Variants in TRPV1 observed in about 807,000 individuals in gnomAD.
TRPV1 encodes transient receptor potential cation channel subfamily V member 1.
Under a neutral mutation model 82.3 loss-of-function variants are expected in TRPV1, and 82 were observed. The ratio of observed to expected loss-of-function variants is 1.00; its 90% confidence interval spans 0.83 to 1.20. The LOEUF (loss-of-function observed/expected upper bound fraction) is 1.20. Ranked by LOEUF, TRPV1 falls within the 50% of genes most tolerant of loss-of-function variation. The pLI is 0.00. For missense variants in TRPV1, 1,067 were observed against 1,096.8 expected, an observed-to-expected ratio of 0.97 and a Z score of 0.38; for synonymous variants, 515 against 467.7, an observed-to-expected ratio of 1.10 and a Z score of -1.30.
At chr17:3,570,036 G>A (rs1250803396) in intron 16 of TRPV1, among the ~76,000 whole-genome samples, 2 of 128,684 alleles carry the variant, frequency 1.6e-5, no homozygotes, top group Admixed American at 1.5e-4. Flanking sequence ...AAGCGGTCAG[G>A]AAGGAGGGGT....
rs1252022928 is a variant in TRPV1, at chr17:3,573,616, C to T, written c.2103+17G>A. On this transcript the variant is annotated intron_variant, in intron 14 of 16. Transcript: ENST00000572705. ...ACTCTCCGCGCCACTCACCACCCCC[C>T]AACTCCACCCACCCACCTGCAGCTT... is the stretch of plus-strand genomic sequence containing the variant. 4 of 1,605,016 alleles carry T rather than the reference C, an allele frequency of 2.5e-6. No individual in the cohort carries two copies.
chr17:3,581,083 A>G (rs1012599751), intron 10 of TRPV1, among the ~76,000 whole-genome samples: 25 of 152,066 alleles, frequency 1.6e-4, no homozygotes, highest in Non-Finnish European at 2.2e-4. Context: ...AGGAAGGAAA[A>G]TCATTAAAAT....
At chr17:3,594,293 G>T (rs7217950) in intron 2 of TRPV1, among the ~76,000 whole-genome samples, 32,528 of 151,452 alleles carry the variant, frequency 0.21, 3,930 homozygotes, top group South Asian at 0.28. Context: ...AGCCGCAGAA[G>T]AAATGAGAGG....
chr17:3,573,529 A>ACCACCCCCCCCCCC, intron 14 of TRPV1, 104 bp downstream of exon 14: 1 of 20,994 alleles, frequency 4.8e-5, no homozygotes, highest in Non-Finnish European at 1.1e-4. Context: ...CTGGCCACAC[A>ACCACCCCCCCCCCC]CCGCCCCCAC....
At position 3,573,732 on chromosome 17, in the gene TRPV1, TA is replaced by T; in HGVS notation, c.2003del (p.Val668GlufsTer50). Reference sequence around the variant, plus strand: ...TGAGCAGGAGGATGTAGGTGAGAATTACATAGGCCAGCAGCAGGATGATGAA... The same window carrying T: ...TGAGCAGGAGGATGTAGGTGAGAATTCATAGGCCAGCAGCAGGATGATGAA... Reference protein sequence around the residue: ...AVFIILLLAYVILTYILLLNM... With the variant: ...AVFIILLLAYXILTYILLLNM... On this transcript the variant is annotated frameshift_variant, in exon 14 of 17. Coordinates refer to ENST00000572705, the MANE Select transcript of TRPV1 (RefSeq NM_080704.4). LOFTEE classifies it high-confidence loss of function. The T allele has an allele frequency of 6.2e-7, 1 of 1,613,956 alleles. No homozygotes were observed. Among genetic ancestry groups the T allele is most frequent in the Non-Finnish European group, 8.5e-7 (1 of 1,179,982 alleles).
At chr17:3,574,406 C>T (rs1411476791) in intron 13 of TRPV1, among the ~76,000 whole-genome samples, 2 of 152,182 alleles carry the variant, frequency 1.3e-5, no homozygotes, top group African/African-American at 4.8e-5. Context: ...AGCTGTGCAT[C>T]GTGGTTGCTG....
In TRPV1 at chr17:3,585,951, G is replaced by A. The variant is rs775645018; in HGVS notation, c.1225-25C>T. The A allele has an allele frequency of 3.9e-4, 634 of 1,612,650 alleles. 1 individual carries two copies. The highest frequency in any genetic ancestry group is 5.1e-4 in the Non-Finnish European group (602 of 1,179,404). On this transcript the variant is annotated intron_variant, in intron 8 of 16. Transcript: ENST00000572705. ...TCTAGGGGGTGGGGAGAGAAGTGAG[G>A]TTCCCTCCTGCAGCAGGAACTCCTC...
At chr17:3,607,793 T>C (rs1192648028) in intron 2 of TRPV1, among the ~76,000 whole-genome samples, 1 of 151,836 alleles carries the variant, frequency 6.6e-6, no homozygotes, top group African/African-American at 2.4e-5. Context: ...CGCCTCGGCC[T>C]CCCAAAGTGC....
chr17:3,596,433 C>T (rs1300257329), intron 2 of TRPV1, among the ~76,000 whole-genome samples: 1 of 152,190 alleles, frequency 6.6e-6, no homozygotes, highest in Non-Finnish European at 1.5e-5. Context: ...CAAAGGGAGG[C>T]AGTAGGCTGC....
intron 10 of TRPV1, among the ~76,000 whole-genome samples, chr17:3,581,254 C>G (rs1289013703): frequency 6.6e-6 from 1 of 151,956 alleles, no homozygotes; most frequent in Admixed American, 6.6e-5. Context: ...CGTGAGCCAC[C>G]TTTTTCTTAA....
intron 2 of TRPV1, among the ~76,000 whole-genome samples, chr17:3,607,012 G>T (rs1355694955): frequency 6.6e-6 from 1 of 152,156 alleles, no homozygotes. Context: ...CTTCCTCAGG[G>T]CTGCAATGAC....
intron 9 of TRPV1, 113 bp downstream of exon 9, chr17:3,585,655 G>T: frequency 7.5e-7 from 1 of 1,328,656 alleles, no homozygotes; most frequent in African/African-American, 1.5e-5. Flanking sequence ...CGCAAGCTGG[G>T]AAGGAGTCCA....
intron 2 of TRPV1, among the ~76,000 whole-genome samples, chr17:3,599,937 T>C (rs1359280087): frequency 1.3e-5 from 2 of 152,170 alleles, no homozygotes; most frequent in African/African-American, 4.8e-5. Flanking sequence ...TTTTTAAGGC[T>C]GAGTAATATT....
intron 10 of TRPV1, 63 bp downstream of exon 10, chr17:3,583,275 G>T: frequency 3.6e-6 from 5 of 1,384,456 alleles, no homozygotes; most frequent in Non-Finnish European, 5.0e-6. Context: ...GAGCGCTGAG[G>T]GATCTTCTTG....
Position 3,579,318 on chromosome 17 carries a change from T to C in TRPV1, c.1547+1139A>G, listed in dbSNP as rs78716212. ...CGGACAAGCTAGCTGCAAGAGGATTTGAAATTATTCCTTGTTCTTCCAGGA... is the reference window on the plus strand; with the variant it reads ...CGGACAAGCTAGCTGCAAGAGGATTCGAAATTATTCCTTGTTCTTCCAGGA... On this transcript the variant is annotated intron_variant, in intron 11 of 16. Coordinates refer to ENST00000572705, the MANE Select transcript of TRPV1 (RefSeq NM_080704.4). 1.3e-3 allele frequency among the ~76,000 whole-genome samples: 194 copies of C among 152,158 alleles called. 4 individuals carry two copies. The East Asian group carries it at 0.029, about 23-fold the overall frequency.
rs894628628 is a variant in TRPV1 at position 3,566,622 on chromosome 17, C to G, written c.*193G>C. 1 of 579,174 alleles carries G rather than the reference C, an allele frequency of 1.7e-6. No homozygotes were observed. Among genetic ancestry groups the G allele is most frequent in the African/African-American group, 1.9e-5 (1 of 53,526 alleles). The allele number at this position is 579,174 out of a possible 1,614,324, so 35.9% of individuals were successfully genotyped here. On this transcript the variant is annotated 3_prime_UTR_variant, in exon 17 of 17. Coordinates refer to ENST00000572705, the MANE Select transcript of TRPV1 (RefSeq NM_080704.4). ...TAGGAGATTCACTTGGGGACAGTGA[C>G]GGTTGGATGTACATCACTCCCCATG...
chr17:3,581,885 AG>A (rs1391385325), intron 10 of TRPV1, among the ~76,000 whole-genome samples: 1 of 112,628 alleles, frequency 8.9e-6, no homozygotes, highest in Non-Finnish European at 1.9e-5. Context: ...ACTCCATCTC[AG>A]AAAAAAAAAA....
At position 3,565,508 on chromosome 17, in the gene TRPV1, T is replaced by C. The variant is rs200857742; in HGVS notation, c.*1307A>G. The C allele has an allele frequency of 1.3e-5, 2 of 152,230 alleles. No individual in the cohort carries two copies. Among genetic ancestry groups the C allele is most frequent in the African/African-American group, 4.8e-5 (2 of 41,448 alleles). 9.4% of individuals were successfully genotyped at this position (152,230 alleles called of 1,614,324 possible). A position where few individuals can be genotyped will look rare whatever the true frequency, so the allele number is the denominator to read the frequency against. ...ATGGATGGAGTGGAAGCATGTGCCA[T>C]TGCGGAGAAGCAGGACTGGGGTTCC... On this transcript the variant is annotated 3_prime_UTR_variant, in exon 17 of 17. Coordinates refer to ENST00000572705, the MANE Select transcript of TRPV1 (RefSeq NM_080704.4).
Position 3,584,930 on chromosome 17 carries a change from GA to G in TRPV1, c.1383+837del, listed in dbSNP as rs199739655. ...GATGAAGTCTTGGCTCTTGGCAGAG[GA>G]AAAAGGCTGGTCTTAGGCTGATTTG... is the stretch of plus-strand genomic sequence containing the variant. On this transcript the variant is annotated intron_variant, in intron 9 of 16. Coordinates refer to ENST00000572705, the MANE Select transcript of TRPV1 (RefSeq NM_080704.4). Among the ~76,000 whole-genome samples the G allele has an allele frequency of 9.6e-3, 1,466 of 152,350 alleles. 13 individuals are homozygous for G. The highest frequency in any genetic ancestry group is 0.03 in the South Asian group (147 of 4,826).
Sources: gnomAD v4.1 joint callset for allele counts (sites outside exome capture counted in the v4.1 genomes callset) on GRCh38, gnomAD v4.1.1 for gene constraint, MANE v1.5 for transcripts, NCBI Gene and HGNC (gene_info 2026-07-23, HGNC 2026-07-21) for gene names.